DENND2B: variants seen among roughly 807,000 people sequenced by gnomAD.
DENND2B encodes the protein DENN domain containing 2B.
A neutral mutation model predicts 116.0 loss-of-function variants in DENND2B; 32 were observed. The observed-to-expected ratio is 0.28, with a 90% CI of 0.21 to 0.37. The LOEUF (loss-of-function observed/expected upper bound fraction) is 0.37, where lower values mean the gene tolerates loss of function less well. Among genes scored for constraint, DENND2B ranks in the 10% least tolerant of loss-of-function variants. The pLI is 1.00. For synonymous variants in DENND2B, 588 were observed against 583.9 expected (o/e 1.01, Z -0.10); for missense variants, 1,276 against 1,477.7 (o/e 0.86, Z 2.24).
intron 11 of DENND2B, 51 bp downstream of exon 11, chr11:8,710,794 C>CACACACCCA: frequency 7.2e-7 from 1 of 1,391,214 alleles, no homozygotes; most frequent in Non-Finnish European, 1.0e-6. Context: ...CACACACACA[C>CACACACCCA]CCTGGCCTAT....
upstream of DENND2B, among the ~76,000 whole-genome samples, chr11:8,874,807 C>A (rs141244720): frequency 1.9e-3 from 293 of 152,088 alleles, 6 homozygotes; most frequent in African/African-American, 6.9e-3. Flanking sequence ...CACCTCTAGT[C>A]CCAGCTACTC....
chr11:8,737,292 A>G (rs2049226659), intron 2 of DENND2B, among the ~76,000 whole-genome samples: 1 of 152,200 alleles, frequency 6.6e-6, no homozygotes, highest in Non-Finnish European at 1.5e-5. Context: ...TGGGGTCTGG[A>G]CAAGGAAGAA....
intron 1 of DENND2B, among the ~76,000 whole-genome samples, chr11:8,793,508 G>A (rs993583983): frequency 6.6e-6 from 1 of 152,188 alleles, no homozygotes; most frequent in Admixed American, 6.5e-5. Context: ...ATTGTAGTAT[G>A]CATCAGAACT....
chr11:8,722,313 G>A (rs1364075722), intron 4 of DENND2B, among the ~76,000 whole-genome samples: 2 of 152,186 alleles, frequency 1.3e-5, no homozygotes, highest in Admixed American at 6.5e-5. Context: ...ATGACAGACA[G>A]GACTCCAGTC....
intron 1 of DENND2B, among the ~76,000 whole-genome samples, chr11:8,800,833 T>C (rs764764057): frequency 2.0e-5 from 3 of 152,156 alleles, no homozygotes; most frequent in Non-Finnish European, 2.9e-5. Context: ...TTTACACTTG[T>C]AGATAAGGAG....
At chr11:8,771,529 C>T (rs1007948903) in intron 1 of DENND2B, 1 of 107,392 alleles carries the variant, frequency 9.3e-6, no homozygotes, top group African/African-American at 4.4e-5. Context: ...TATATATATA[C>T]AGAGAGAGAG....
At chr11:8,699,018 C>T in intron 15 of DENND2B, 44 bp from the exon 16 acceptor site, 1 of 1,608,444 alleles carries the variant, frequency 6.2e-7, no homozygotes, top group Non-Finnish European at 8.5e-7. Flanking sequence ...GGCATGAGTC[C>T]CGCAATGCCC....
intron 2 of DENND2B, among the ~76,000 whole-genome samples, chr11:8,740,924 G>C (rs1186060029): frequency 6.6e-6 from 1 of 152,190 alleles, no homozygotes; most frequent in Non-Finnish European, 1.5e-5. Flanking sequence ...GCCTCAGTCA[G>C]CAAGTCCAAG....
intron 8 of DENND2B, 24 bp downstream of exon 8, chr11:8,713,974 G>A (rs370326571): frequency 1.5e-5 from 24 of 1,613,200 alleles, no homozygotes; most frequent in African/African-American, 5.3e-5. Context: ...GAGAGCTTCC[G>A]TACTCATGGG....
intron 2 of DENND2B, among the ~76,000 whole-genome samples, chr11:8,749,657 C>T (rs139571024): frequency 6.6e-6 from 1 of 152,252 alleles, no homozygotes; most frequent in Non-Finnish European, 1.5e-5. Context: ...CTGACCAGAC[C>T]CTATTGGACT....
chr11:8,743,097 T>C lies in DENND2B; in HGVS notation c.80+7524A>G, dbSNP rs533774598. Among the ~76,000 whole-genome samples the C allele has an allele frequency of 4.6e-5, 7 of 152,102 alleles. No individual in the cohort carries two copies. In the South Asian group the frequency reaches 6.2e-4, roughly 14 times the overall value. On this transcript the variant is annotated intron_variant, in intron 2 of 19. Transcript: ENST00000313726. ...GAAAAGAAGAGAAATGGCTTCCAGA[T>C]TGTGGTGATGGTTTTATTGAGTATG...
chr11:8,739,920 T>A (rs1039881660), intron 2 of DENND2B, among the ~76,000 whole-genome samples: 4 of 152,198 alleles, frequency 2.6e-5, no homozygotes, highest in Admixed American at 1.3e-4. Context: ...ACATGGTGGC[T>A]CATGCCTCTA....
chr11:8,795,924 A>G (rs1238610435), intron 1 of DENND2B, among the ~76,000 whole-genome samples: 1 of 152,218 alleles, frequency 6.6e-6, no homozygotes, highest in Non-Finnish European at 1.5e-5. Context: ...AACACCCTGT[A>G]AAGGAACCTT....
Position 8,719,379 on chromosome 11 carries a change from G to A in DENND2B, c.1478-1487C>T, listed in dbSNP as rs114815751. ...AGTGACAGCTAAATAGACTGCAGTG[G>A]GAGCAATATAAATCTCTGTAAACTT... On this transcript the variant is annotated intron_variant, in intron 4 of 19. Coordinates refer to ENST00000313726, the MANE Select transcript of DENND2B (RefSeq NM_213618.2). Among the ~76,000 whole-genome samples, 1,409 of 152,286 alleles carry A rather than the reference G, an allele frequency of 9.3e-3. 22 individuals are homozygous for A. The highest frequency in any genetic ancestry group is 0.033 in the African/African-American group (1,364 of 41,540).
At chr11:8,757,496 G>C (rs1257183709) in intron 1 of DENND2B, among the ~76,000 whole-genome samples, 1 of 152,206 alleles carries the variant, frequency 6.6e-6, no homozygotes, top group Non-Finnish European at 1.5e-5. Context: ...CTCCAGGAAG[G>C]CCTCATCAGA....
intron 4 of DENND2B, among the ~76,000 whole-genome samples, chr11:8,829,172 G>A (rs2062105038): frequency 6.6e-6 from 1 of 150,960 alleles, no homozygotes; most frequent in African/African-American, 2.4e-5. Flanking sequence ...TAGTATGTGT[G>A]GTGTGTGTGG....
At chr11:8,813,477 C>T, upstream of DENND2B, among the ~76,000 whole-genome samples, 1 of 152,186 alleles carries the variant, frequency 6.6e-6, no homozygotes, top group East Asian at 1.9e-4. Context: ...CAAAAGGCAT[C>T]CCTCTGCTCT....
chr11:8,882,661 A>G (rs2063915354), intron 1 of DENND2B, among the ~76,000 whole-genome samples: 1 of 152,202 alleles, frequency 6.6e-6, no homozygotes, highest in African/African-American at 2.4e-5. Flanking sequence ...TAAGTTTCAA[A>G]ATGCATCTAT....
chr11:8,708,912 T>C (rs1219873078), intron 11 of DENND2B, among the ~76,000 whole-genome samples: 1 of 150,984 alleles, frequency 6.6e-6, no homozygotes, highest in Non-Finnish European at 1.5e-5. Context: ...GATCACACCA[T>C]TGTACTTCCA....
Sources: allele counts gnomAD v4.1 joint callset (sites outside exome capture counted in the v4.1 genomes callset), GRCh38; gene constraint gnomAD v4.1.1; transcripts MANE v1.5; gene names NCBI Gene and HGNC (gene_info 2026-07-23, HGNC 2026-07-21).